The following CPLANE1 variants were observed in gnomAD, a reference collection of about 807,000 sequenced individuals.
CPLANE1 encodes ciliogenesis and planar polarity effector complex subunit 1, also known as ciliogenesis and planar polarity effector 1.
CPLANE1 carries 263 observed loss-of-function variants against 362.5 expected under a neutral mutation model. The ratio of observed to expected loss-of-function variants is 0.73; its 90% confidence interval spans 0.66 to 0.80. The LOEUF is 0.80. Among genes scored for constraint, CPLANE1 ranks in the 30% least tolerant of loss-of-function variants. The probability of loss-of-function intolerance (pLI) is 0.00; values close to 1 mark genes in which losing one functional copy is unlikely to be tolerated. For synonymous variants in CPLANE1, 1,212 were observed against 1,302.6 expected (o/e 0.93, Z 1.50); for missense variants, 3,461 against 3,793.4 (o/e 0.91, Z 2.30).
rs761088183 is a variant in CPLANE1, at chr5:37,139,411, T to G, written c.8633-41A>C. The G allele has an allele frequency of 4.3e-6, 5 of 1,155,902 alleles. No homozygotes were observed. The South Asian group carries it at 8.8e-5, about 20-fold the overall frequency. 71.6% of individuals were successfully genotyped at this position (1,155,902 alleles called of 1,614,324 possible). On this transcript the variant is annotated intron_variant, in intron 44 of 52. Transcript: ENST00000651892. Reference sequence around the variant, plus strand: ...TTATTAATAAAAATTTTGGGTTTTTTTTTGCTTTCAATTGTTAATCTAATT... The same window carrying G: ...TTATTAATAAAAATTTTGGGTTTTTGTTTGCTTTCAATTGTTAATCTAATT...
intron 46 of CPLANE1, among the ~76,000 whole-genome samples, chr5:37,137,070 G>T (rs538148380): frequency 2.6e-5 from 4 of 152,272 alleles, no homozygotes; most frequent in Admixed American, 6.5e-5. Context: ...CAGAAAATGG[G>T]TTTTTCTTTT....
Position 37,179,398 on chromosome 5 carries a change from G to C in CPLANE1, c.5783C>G (p.Ala1928Gly), listed in dbSNP as rs190242054. Residue 1928 changes from alanine to glycine, a missense_variant, in exon 29 of 53, where the codon GCC (alanine) becomes GGC (glycine). Coordinates refer to ENST00000651892, the MANE Select transcript of CPLANE1 (RefSeq NM_001384732.1). The stretch of plus-strand genomic sequence containing the variant: ...CTGTGGTAAAGTCATCATGCAAATG[G>C]CAAGACTGGGACTTCTGAAACCTCC... ...SVGGFRSPSL[A>G]ICMMTLPQQL... The C allele has an allele frequency of 8.1e-6, 13 of 1,612,970 alleles. No individual in the cohort carries two copies. The highest frequency in any genetic ancestry group is 1.7e-4 in the Middle Eastern group (1 of 6,060).
chr5:37,119,389 G>A (rs897572063), intron 50 of CPLANE1, among the ~76,000 whole-genome samples: 11 of 152,044 alleles, frequency 7.2e-5, no homozygotes, highest in African/African-American at 2.2e-4. Context: ...AAAGCCATTC[G>A]GCTGGGTGTG....
Position 37,162,545 on chromosome 5 carries a change from G to GT in CPLANE1, c.7609dup (p.Thr2537AsnfsTer30). ...GGCCATGAAATGCAATCCAGCTGAAGTATTATCATCTTGTAGCATTTCTTA... is the reference window on the plus strand; with the variant it reads ...GGCCATGAAATGCAATCCAGCTGAAGTTATTATCATCTTGTAGCATTTCTTA... On this transcript the variant is annotated frameshift_variant, in exon 38 of 53. Transcript: ENST00000651892. LOFTEE classifies it high-confidence loss of function. 5.6e-6 allele frequency: 9 copies of GT among 1,610,486 alleles called. No homozygotes were observed. The highest frequency in any genetic ancestry group is 7.6e-6 in the Non-Finnish European group (9 of 1,177,250).
At chr5:37,121,858 T>C in intron 48 of CPLANE1, 74 bp from the exon 49 acceptor site, 1 of 1,285,990 alleles carries the variant, frequency 7.8e-7, no homozygotes, top group Non-Finnish European at 1.1e-6. Context: ...ATATAGTGTT[T>C]GAAGATCACC....
At chr5:37,228,406 T>C (rs557499977) in intron 9 of CPLANE1, among the ~76,000 whole-genome samples, 1 of 152,174 alleles carries the variant, frequency 6.6e-6, no homozygotes, top group Non-Finnish European at 1.5e-5. Context: ...AAGTATATTG[T>C]AATTTTTTTC....
intron 44 of CPLANE1, chr5:37,140,568 A>G: frequency 1.0e-6 from 1 of 985,422 alleles, no homozygotes; most frequent in South Asian, 4.7e-5. Context: ...AAGGTCCATT[A>G]AAGAGACACT....
intron 16 of CPLANE1, chr5:37,211,268 C>A (rs1792519227): frequency 6.6e-7 from 1 of 1,510,338 alleles, no homozygotes; most frequent in Non-Finnish European, 9.1e-7. Context: ...ATGCAAGGGT[C>A]AAACAGCTTC....
In CPLANE1 at chr5:37,106,624, T is replaced by C. The variant is rs1278730264; in HGVS notation, c.*978A>G. 2.7e-6 allele frequency: 1 copy of C among 374,320 alleles called. No individual in the cohort carries two copies. Among genetic ancestry groups the C allele is most frequent in the African/African-American group, 2.2e-5 (1 of 45,738 alleles). The allele number at this position is 374,320 out of a possible 1,614,324, so 23.2% of individuals were successfully genotyped here. A position where few individuals can be genotyped will look rare whatever the true frequency, so the allele number is the denominator to read the frequency against. ...TTTGGTAAGGAGAGTAGCATTGTTT[T>C]ATAGTTCTACAAATCTCTTTAATGT... On this transcript the variant is annotated 3_prime_UTR_variant, in exon 53 of 53. Transcript: ENST00000651892.
At chr5:37,087,291 T>C in the CPLANE1 span, among the ~76,000 whole-genome samples, 8 of 152,076 alleles carry the variant, frequency 5.3e-5, no homozygotes, top group Non-Finnish European at 2.9e-5. Flanking sequence ...TTGGTCCCAT[T>C]ATACACAGAA....
chr5:37,172,748 G>A (rs1408060321), intron 32 of CPLANE1, among the ~76,000 whole-genome samples: 1 of 152,204 alleles, frequency 6.6e-6, no homozygotes, highest in African/African-American at 2.4e-5. Flanking sequence ...CACTTTGGGA[G>A]GCCAAGGCAG....
chr5:37,090,681 G>A, the CPLANE1 span, among the ~76,000 whole-genome samples: 1 of 152,148 alleles, frequency 6.6e-6, no homozygotes, highest in Non-Finnish European at 1.5e-5. Context: ...GTCTGGTAGA[G>A]ACCACATAAT....
rs748908546 is a variant in CPLANE1 at position 37,158,237 on chromosome 5, G to A, written c.7799C>T (p.Thr2600Ile). Residue 2600 changes from threonine to isoleucine, a missense_variant, in exon 39 of 53, where the codon ACA (threonine) becomes ATA (isoleucine). Thr to Ile is a moderately conservative substitution (Grantham distance 89, BLOSUM62 -1). Around this residue, in one of 2 missense-constraint regions of CPLANE1, gnomAD observed 3,380 missense variants for 3,666.1 expected, o/e 0.92. Transcript: ENST00000651892. ...EKPWSPSIPHTVTNLVGHTYI... is the reference protein window; with the variant it reads ...EKPWSPSIPHIVTNLVGHTYI... ...TAAAACACAAACCAAGTTTGTTACTGTATGAGGTATTGAGGGTGACCAAGG... is the reference window on the plus strand; with the variant it reads ...TAAAACACAAACCAAGTTTGTTACTATATGAGGTATTGAGGGTGACCAAGG... 3 of 1,613,654 alleles carry A rather than the reference G, an allele frequency of 1.9e-6. No individual in the cohort carries two copies. Among genetic ancestry groups the A allele is most frequent in the Non-Finnish European group, 2.5e-6 (3 of 1,179,746 alleles).
chr5:37,079,665 T>C, the CPLANE1 span, among the ~76,000 whole-genome samples: 1 of 152,196 alleles, frequency 6.6e-6, no homozygotes, highest in South Asian at 2.1e-4. Flanking sequence ...TTAGCTTTCA[T>C]CAGGGTCTCT....
At chr5:37,234,449 A>T (rs1250617690) in intron 8 of CPLANE1, among the ~76,000 whole-genome samples, 1 of 151,544 alleles carries the variant, frequency 6.6e-6, no homozygotes, top group Non-Finnish European at 1.5e-5. Context: ...CATTCAAAAG[A>T]TTAAATAATA....
Position 37,142,388 on chromosome 5 carries a change from G to C in CPLANE1, c.8554C>G (p.Gln2852Glu). Residue 2852 changes from glutamine (Q) to glutamate (E), a missense_variant, in exon 44 of 53, where the codon CAG becomes GAG. By Grantham distance (29) the Gln-to-Glu change is conservative. Around this residue, in one of 2 missense-constraint regions of CPLANE1, gnomAD observed 3,380 missense variants for 3,666.1 expected, o/e 0.92. Transcript: ENST00000651892. ...GCAGTAGGAAACACACAGGTTTTCT[G>C]ACCAGAATAATTTTCTGTTATTGAA... ...EFSITENYSG[Q>E]KTCVFPTADS... 6.2e-7 allele frequency: 1 copy of C among 1,611,710 alleles called. No individual in the cohort carries two copies. The highest frequency in any genetic ancestry group is 8.5e-7 in the Non-Finnish European group (1 of 1,179,008).
chr5:37,086,609 C>T, the CPLANE1 span, among the ~76,000 whole-genome samples: 1 of 152,120 alleles, frequency 6.6e-6, no homozygotes, highest in African/African-American at 2.4e-5. Flanking sequence ...CATTTGTGGG[C>T]AGGATAACGC....
At chr5:37,113,482 G>A (rs1759939021) in intron 51 of CPLANE1, among the ~76,000 whole-genome samples, 1 of 152,180 alleles carries the variant, frequency 6.6e-6, no homozygotes, top group Admixed American at 6.5e-5. Flanking sequence ...TTAGCAGCAT[G>A]AGAACAGACT....
In CPLANE1 at chr5:37,138,788, G is replaced by A; in HGVS notation, c.8724C>T (p.Asp2908=). The change falls in exon 46 of 53, where the codon GAC becomes GAT. Residue 2908 remains aspartate (D), a synonymous_variant. Coordinates refer to ENST00000651892, the MANE Select transcript of CPLANE1 (RefSeq NM_001384732.1). Reference sequence around the variant, plus strand: ...TGGAAACTCCGTCTTTAATTATAAGGTCATCAATAATGTCTGCAATATCAG... The same window carrying A: ...TGGAAACTCCGTCTTTAATTATAAGATCATCAATAATGTCTGCAATATCAG... ...GLTDIADIID[D]LIIKDGVSSE... is the part of the protein sequence containing the mutation. 1 of 1,613,136 alleles carries A rather than the reference G, an allele frequency of 6.2e-7. No homozygotes were observed. The highest frequency in any genetic ancestry group is 2.2e-5 in the East Asian group (1 of 44,752).
Sources: allele counts gnomAD v4.1 joint callset (sites outside exome capture counted in the v4.1 genomes callset), GRCh38; gene constraint gnomAD v4.1.1; regional missense constraint gnomAD v4.1.1; transcripts MANE v1.5; gene names NCBI Gene and HGNC (gene_info 2026-07-23, HGNC 2026-07-21).